Variants in RIMBP2 observed in about 807,000 individuals in gnomAD.
The protein encoded by RIMBP2 is RIMS-binding protein 2.
A neutral mutation model predicts 118.6 loss-of-function variants in RIMBP2; 48 were observed. That is an observed-to-expected ratio of 0.40 (90% CI 0.32 to 0.51). The LOEUF (loss-of-function observed/expected upper bound fraction) is 0.51, where lower values mean the gene tolerates loss of function less well. Ranked by LOEUF, RIMBP2 falls within the 20% of genes least tolerant of loss-of-function variation. The pLI is 0.41. For synonymous variants in RIMBP2, 762 were observed against 742.9 expected (o/e 1.03, Z -0.42); for missense variants, 1,551 against 1,768.3 (o/e 0.88, Z 2.20).
chr12:130,413,525 C>A (rs1306612105), intron 18 of RIMBP2, among the ~76,000 whole-genome samples: 1 of 149,992 alleles, frequency 6.7e-6, no homozygotes, highest in Admixed American at 6.7e-5. Flanking sequence ...CCCAGCTACT[C>A]GGGAGGCTGA....
chr12:130,516,744 A>G, intron 3 of RIMBP2, among the ~76,000 whole-genome samples: 1 of 152,242 alleles, frequency 6.6e-6, no homozygotes, highest in East Asian at 1.9e-4. Context: ...GAGAGGTAGC[A>G]AGATGGACAG....
chr12:130,432,247 C>G (rs942229232), intron 14 of RIMBP2: 1 of 456,556 alleles, frequency 2.2e-6, no homozygotes, highest in Non-Finnish European at 4.4e-6. Flanking sequence ...TCGGTTCAAT[C>G]TAATTCCAGC....
chr12:130,657,814 T>G (rs1449832357), intron 1 of RIMBP2: 1 of 152,252 alleles, frequency 6.6e-6, no homozygotes, highest in Non-Finnish European at 1.5e-5. Flanking sequence ...ACATTTTATC[T>G]CGTTTCAGTG....
At chr12:130,613,536 G>A (rs144501609) in intron 2 of RIMBP2, among the ~76,000 whole-genome samples, 34 of 152,320 alleles carry the variant, frequency 2.2e-4, no homozygotes, top group Admixed American at 1.5e-3. Context: ...TTCAGTCTCG[G>A]CCGGGCACAG....
chr12:130,441,967 C>A lies in RIMBP2; in HGVS notation c.1385G>T (p.Arg462Met), dbSNP rs775602620. 1 of 1,614,010 alleles carries A rather than the reference C, an allele frequency of 6.2e-7. No individual in the cohort carries two copies. Among genetic ancestry groups the A allele is most frequent in the East Asian group, 2.2e-5 (1 of 44,888 alleles). Residue 462 changes from arginine to methionine, a missense_variant, in exon 11 of 23, where the codon AGG becomes ATG. Transcript: ENST00000690449. The part of the protein sequence containing the change: ...ARYKYQFFNL[R>M]PNMAYKVKVL... Reference sequence around the variant, plus strand: ...CTTCACCTTATAGGCCATGTTGGGCCTGAGATTGAAGAACTGGTACTTGTA... The same window carrying A: ...CTTCACCTTATAGGCCATGTTGGGCATGAGATTGAAGAACTGGTACTTGTA...
At chr12:130,514,241 A>G (rs7302462) in intron 3 of RIMBP2, among the ~76,000 whole-genome samples, 26,523 of 152,246 alleles carry the variant, frequency 0.17, 2,759 homozygotes, top group African/African-American at 0.28. Context: ...AGACACCCAT[A>G]AGAAGCAGAA....
intron 21 of RIMBP2, among the ~76,000 whole-genome samples, chr12:130,400,177 A>C (rs2074392475): frequency 6.6e-6 from 1 of 152,074 alleles, no homozygotes; most frequent in African/African-American, 2.4e-5. Context: ...GCTGCTAAAA[A>C]CACATCGCTC....
At chr12:130,582,631 T>C (rs1038441195) in intron 2 of RIMBP2, among the ~76,000 whole-genome samples, 1 of 152,176 alleles carries the variant, frequency 6.6e-6, no homozygotes, top group Non-Finnish European at 1.5e-5. Context: ...CTTCGCTTGA[T>C]CTAGACCAGT....
At chr12:130,615,272 C>CACACATAT (rs1429575646) in intron 2 of RIMBP2, among the ~76,000 whole-genome samples, 55 of 38,776 alleles carry the variant, frequency 1.4e-3, no homozygotes, top group Non-Finnish European at 2.3e-3. Flanking sequence ...ACATAATACA[C>CACACATAT]ATACATATAT....
chr12:130,467,071 T>C (rs1282066339), intron 6 of RIMBP2, among the ~76,000 whole-genome samples: 1 of 152,236 alleles, frequency 6.6e-6, no homozygotes, highest in Non-Finnish European at 1.5e-5. Context: ...GCTTCTAACC[T>C]CCAAGCTGTC....
At chr12:130,468,218 G>A (rs935565344) in intron 6 of RIMBP2, among the ~76,000 whole-genome samples, 2 of 152,210 alleles carry the variant, frequency 1.3e-5, no homozygotes, top group African/African-American at 4.8e-5. Flanking sequence ...GCAAAGGCCA[G>A]GGCTTCCCAG....
intron 2 of RIMBP2, among the ~76,000 whole-genome samples, chr12:130,548,205 A>T (rs746824648): frequency 2.0e-5 from 3 of 152,202 alleles, no homozygotes; most frequent in Non-Finnish European, 4.4e-5. Flanking sequence ...AATGTGAACA[A>T]GGGTGACAGG....
chr12:130,548,573 T>G (rs1232570933), intron 2 of RIMBP2, among the ~76,000 whole-genome samples: 1 of 152,002 alleles, frequency 6.6e-6, no homozygotes, highest in Non-Finnish European at 1.5e-5. Context: ...TTTGTGGGTT[T>G]TTTTGCTTGT....
intron 1 of RIMBP2, among the ~76,000 whole-genome samples, chr12:130,635,465 C>T (rs2062294239): frequency 6.6e-6 from 1 of 152,196 alleles, no homozygotes; most frequent in African/African-American, 2.4e-5. Context: ...ATTCTGATTA[C>T]AGTGGCTTAA....
chr12:130,455,669 G>T (rs1317830931), intron 7 of RIMBP2, among the ~76,000 whole-genome samples: 1 of 152,140 alleles, frequency 6.6e-6, no homozygotes, highest in African/African-American at 2.4e-5. Flanking sequence ...AGCACCCAAG[G>T]TACTTATATA....
chr12:130,638,560 G>C (rs921725308), intron 1 of RIMBP2, among the ~76,000 whole-genome samples: 1 of 152,142 alleles, frequency 6.6e-6, no homozygotes. Context: ...ATAGGAATGT[G>C]AACCCTACTG....
chr12:130,710,211 G>A lies in RIMBP2; in HGVS notation c.-352+6011C>T, dbSNP rs549302852. ...CAGATCCATTCCTCCCTCTGCCCTCGGGGCCTGAACCTCTCTCCCAGGTGT... is the reference window on the plus strand; with the variant it reads ...CAGATCCATTCCTCCCTCTGCCCTCAGGGCCTGAACCTCTCTCCCAGGTGT... On this transcript the variant is annotated intron_variant, in intron 1 of 22. Transcript: ENST00000690449. The surrounding 1 kb of genome is among the most constrained non-coding windows in gnomAD (Gnocchi z 4.3). Among the ~76,000 whole-genome samples the A allele has an allele frequency of 2.6e-5, 4 of 152,004 alleles. No homozygotes were observed. The highest frequency in any genetic ancestry group is 1.9e-4 in the East Asian group (1 of 5,144).
In RIMBP2 at chr12:130,399,959, T is replaced by G. The variant is rs2292670; in HGVS notation, c.3766-146A>C. Reference sequence around the variant, plus strand: ...TGGCAGGACTTGAAAGGACTCTAAATCAGGGTTTCCAAATTTTCCTCAGCA... The same window carrying G: ...TGGCAGGACTTGAAAGGACTCTAAAGCAGGGTTTCCAAATTTTCCTCAGCA... On this transcript the variant is annotated intron_variant, in intron 21 of 22. Transcript: ENST00000690449. 1,812 of 908,542 alleles carry G rather than the reference T, an allele frequency of 2.0e-3. 36 individuals are homozygous for G. The East Asian group carries it at 0.036, about 18-fold the overall frequency. 56.3% of individuals were successfully genotyped at this position (908,542 alleles called of 1,614,324 possible).
In RIMBP2 at chr12:130,450,183, C is replaced by CG; in HGVS notation, c.581+16dup. ...CCACTCACAGGGGCTCGGTGGACGCCGAGGGGCCGCACTTACCTATAGCGG... is the reference window on the plus strand; with the variant it reads ...CCACTCACAGGGGCTCGGTGGACGCCGGAGGGGCCGCACTTACCTATAGCGG... On this transcript the variant is annotated intron_variant, in intron 9 of 22. Coordinates refer to ENST00000690449, the MANE Select transcript of RIMBP2 (RefSeq NM_001393629.1). The surrounding 1 kb of genome is among the most constrained non-coding windows in gnomAD (Gnocchi z 4.8). 1 of 1,582,602 alleles carries CG rather than the reference C, an allele frequency of 6.3e-7. No homozygotes were observed. The highest frequency in any genetic ancestry group is 8.6e-7 in the Non-Finnish European group (1 of 1,158,494).
Sources: gnomAD v4.1 joint callset for allele counts (sites outside exome capture counted in the v4.1 genomes callset) on GRCh38, gnomAD v4.1.1 for gene constraint, Gnocchi (gnomAD v3.1) non-coding constraint, MANE v1.5 for transcripts, NCBI Gene and HGNC (gene_info 2026-07-23, HGNC 2026-07-21) for gene names.